The following PTPN14 variants were observed in gnomAD, a reference collection of about 807,000 sequenced individuals.
The protein encoded by PTPN14 is tyrosine-protein phosphatase non-receptor type 14.
PTPN14 carries 53 observed loss-of-function variants against 126.8 expected under a neutral mutation model. The observed-to-expected ratio is 0.42, with a 90% CI of 0.34 to 0.53. The LOEUF is 0.53. Ranked by LOEUF, PTPN14 falls within the 20% of genes least tolerant of loss-of-function variation. PTPN14 has a pLI of 0.08. For synonymous variants in PTPN14, 630 were observed against 599.3 expected (o/e 1.05, Z -0.75); for missense variants, 1,257 against 1,552.9 (o/e 0.81, Z 3.20).
chr1:214,466,939 A>ATT (rs1660653141), intron 1 of PTPN14, among the ~76,000 whole-genome samples: 1 of 152,230 alleles, frequency 6.6e-6, no homozygotes, highest in South Asian at 2.1e-4. Context: ...GCAACATAGC[A>ATT]AAACACACTC....
chr1:214,383,020 A>G lies in PTPN14; in HGVS notation c.2544+291T>C, dbSNP rs555285881. On this transcript the variant is annotated intron_variant, in intron 13 of 18. Coordinates refer to ENST00000366956, the MANE Select transcript of PTPN14 (RefSeq NM_005401.5). This position sits in a 1 kb window ranked among gnomAD's most constrained non-coding sequence, Gnocchi z 4.4. ...AGACACAGCAAGGTGAACTTCCCCA[A>G]TACCAGCTTACCCAATTGGAAGTCT... Among the ~76,000 whole-genome samples the G allele has an allele frequency of 1.3e-5, 2 of 152,358 alleles. No homozygotes were observed. The highest frequency in any genetic ancestry group is 1.3e-4 in the Admixed American group (2 of 15,306).
intron 3 of PTPN14, among the ~76,000 whole-genome samples, chr1:214,450,174 A>C (rs1236255093): frequency 6.8e-6 from 1 of 146,386 alleles, no homozygotes; most frequent in African/African-American, 2.5e-5. Flanking sequence ...AAGCCAAATT[A>C]AAGAAAGCAA....
intron 1 of PTPN14, among the ~76,000 whole-genome samples, chr1:214,478,444 C>G (rs143191437): frequency 6.6e-6 from 1 of 152,012 alleles, no homozygotes; most frequent in Non-Finnish European, 1.5e-5. Context: ...TTGGAGAAAA[C>G]CAGGGAGTAT....
chr1:214,416,764 A>C (rs911697959), intron 3 of PTPN14, among the ~76,000 whole-genome samples: 2 of 152,170 alleles, frequency 1.3e-5, no homozygotes, highest in African/African-American at 4.8e-5. Context: ...AATTCAAACC[A>C]CTTTGAAAAT....
intron 1 of PTPN14, among the ~76,000 whole-genome samples, chr1:214,482,094 T>C (rs1661002625): frequency 6.6e-6 from 1 of 151,764 alleles, no homozygotes; most frequent in South Asian, 2.1e-4. Context: ...ACAAAAAAAG[T>C]AATGGTGCTT....
intron 1 of PTPN14, among the ~76,000 whole-genome samples, chr1:214,499,282 T>G (rs902102418): frequency 6.6e-6 from 1 of 152,084 alleles, no homozygotes; most frequent in African/African-American, 2.4e-5. Flanking sequence ...AGGCTCGCTA[T>G]ATACTAGAAT....
At chr1:214,448,970 T>C (rs17022978) in intron 3 of PTPN14, among the ~76,000 whole-genome samples, 12,595 of 151,306 alleles carry the variant, frequency 0.083, 1,843 homozygotes, top group African/African-American at 0.29. Context: ...TGTAAATATC[T>C]AAAGGCAGCT....
intron 1 of PTPN14, among the ~76,000 whole-genome samples, chr1:214,476,260 A>G (rs1406663491): frequency 6.6e-6 from 1 of 152,248 alleles, no homozygotes; most frequent in African/African-American, 2.4e-5. Flanking sequence ...AACCAATTTG[A>G]AAAACACAAT....
chr1:214,476,751 G>A (rs1660875660), intron 1 of PTPN14, among the ~76,000 whole-genome samples: 1 of 152,142 alleles, frequency 6.6e-6, no homozygotes, highest in Admixed American at 6.5e-5. Flanking sequence ...GTCCGAAGCT[G>A]GCTCGCTCCC....
intron 1 of PTPN14, among the ~76,000 whole-genome samples, chr1:214,475,986 T>C (rs1462377836): frequency 6.6e-6 from 1 of 152,178 alleles, no homozygotes; most frequent in Non-Finnish European, 1.5e-5. Context: ...ACCCACATTC[T>C]ACAAAAAACA....
intron 3 of PTPN14, among the ~76,000 whole-genome samples, chr1:214,434,656 G>A (rs1201809554): frequency 2.0e-5 from 3 of 152,294 alleles, no homozygotes; most frequent in Admixed American, 6.5e-5. Flanking sequence ...AGGAATCTAT[G>A]AGAAGCAGAT....
intron 1 of PTPN14, among the ~76,000 whole-genome samples, chr1:214,502,728 A>C (rs1332322852): frequency 6.6e-6 from 1 of 152,230 alleles, no homozygotes; most frequent in Non-Finnish European, 1.5e-5. Flanking sequence ...ATCAAAATAA[A>C]GACAGAGTGA....
chr1:214,409,483 T>C (rs1309953964), intron 5 of PTPN14, among the ~76,000 whole-genome samples: 2 of 152,204 alleles, frequency 1.3e-5, no homozygotes, highest in East Asian at 1.9e-4. Flanking sequence ...AGAACTTAGG[T>C]TGTTTCCATA....
intron 8 of PTPN14, among the ~76,000 whole-genome samples, chr1:214,396,916 T>C (rs78811407): frequency 0.015 from 2,312 of 152,290 alleles, 63 homozygotes; most frequent in African/African-American, 0.053. Flanking sequence ...CCTCAATTAA[T>C]TTATACTTTG....
At position 214,357,970 on chromosome 1, in the gene PTPN14, A is replaced by G. The variant is rs141846151; in HGVS notation, c.3516T>C (p.Phe1172=). The G allele has an allele frequency of 7.3e-4, 1,171 of 1,613,540 alleles. No homozygotes were observed. The highest frequency in any genetic ancestry group is 9.5e-4 in the Non-Finnish European group (1,118 of 1,179,644). ...GGAACTGGATGAGGACTTGGTAGAC[A>G]AACTTGTACTGAGCGATAGTCTGGA... ...FMIQTIAQYK[F]VYQVLIQFLQ... is the part of the protein sequence containing the mutation. The change falls in exon 19 of 19, where the codon TTT becomes TTC. Residue 1172 remains phenylalanine, a synonymous_variant. Coordinates refer to ENST00000366956, the MANE Select transcript of PTPN14 (RefSeq NM_005401.5).
chr1:214,457,071 T>A (rs1660399985), intron 2 of PTPN14, among the ~76,000 whole-genome samples: 1 of 152,208 alleles, frequency 6.6e-6, no homozygotes, highest in Admixed American at 6.5e-5. Flanking sequence ...AAGATTAGCA[T>A]GAAATCAAAC....
chr1:214,423,086 C>A (rs920683365), intron 3 of PTPN14, among the ~76,000 whole-genome samples: 1 of 151,764 alleles, frequency 6.6e-6, no homozygotes, highest in Non-Finnish European at 1.5e-5. Context: ...TCAGCCCAGA[C>A]CAGCCTGGGC....
chr1:214,407,187 GCAGGCA>G (rs1400332220), intron 5 of PTPN14, among the ~76,000 whole-genome samples: 1 of 152,188 alleles, frequency 6.6e-6, no homozygotes, highest in Admixed American at 6.5e-5. Context: ...TATGAAAACA[GCAGGCA>G]CAGCAGATAA....
intron 1 of PTPN14, among the ~76,000 whole-genome samples, chr1:214,475,618 T>C (rs1660850874): frequency 6.6e-6 from 1 of 152,194 alleles, no homozygotes. Flanking sequence ...ATGATGTATG[T>C]CCTGGAATGT....
Sources: gnomAD v4.1 joint callset for allele counts (sites outside exome capture counted in the v4.1 genomes callset) on GRCh38, gnomAD v4.1.1 for gene constraint, Gnocchi (gnomAD v3.1) non-coding constraint, MANE v1.5 for transcripts, NCBI Gene and HGNC (gene_info 2026-07-23, HGNC 2026-07-21) for gene names.